Variants in BEND2 observed in about 807,000 individuals in gnomAD.
BEND2 encodes BEN domain-containing protein 2.
Under a neutral mutation model 43.8 loss-of-function variants are expected in BEND2, and 19 were observed. The observed-to-expected ratio is 0.43, with a 90% CI of 0.30 to 0.64. The LOEUF is 0.64. BEND2 is among the 30% of genes least tolerant of loss of function. The pLI, the probability that BEND2 is intolerant of heterozygous loss-of-function variation, is 0.11. For missense variants in BEND2, 544 were observed against 574.0 expected (o/e 0.95, Z 0.53); for synonymous variants, 226 against 210.1 (o/e 1.08, Z -0.66).
intron 8 of BEND2, among the ~76,000 whole-genome samples, chrX:18,190,625 A>G (rs958245275): frequency 1.8e-5 from 2 of 111,158 alleles, no homozygotes; most frequent in Non-Finnish European, 3.8e-5. Context: ...TATGGTTATA[A>G]AAAGTCAGTA....
At chrX:18,184,495 G>A (rs913291748) in intron 8 of BEND2, among the ~76,000 whole-genome samples, 5 of 111,536 alleles carry the variant, frequency 4.5e-5, no homozygotes, top group Non-Finnish European at 9.4e-5. Flanking sequence ...AAAAGAACAA[G>A]AGTCTCTGCC....
intron 7 of BEND2, among the ~76,000 whole-genome samples, chrX:18,194,049 C>T (rs1468505588): frequency 1.8e-5 from 2 of 111,142 alleles, no homozygotes; most frequent in African/African-American, 6.5e-5. Context: ...AATGGCTATA[C>T]GAAAACCTTC....
At chrX:18,185,726 G>A (rs1251273280) in intron 8 of BEND2, among the ~76,000 whole-genome samples, 2 of 109,900 alleles carry the variant, frequency 1.8e-5, no homozygotes, top group Non-Finnish European at 3.8e-5. Context: ...AAAGCAGTAA[G>A]AGAAAAGAAA....
intron 4 of BEND2, among the ~76,000 whole-genome samples, chrX:18,206,871 G>C (rs1325528932): frequency 4.5e-5 from 5 of 111,857 alleles, no homozygotes; most frequent in African/African-American, 1.6e-4. Flanking sequence ...GACTCAAGAG[G>C]GAACTGGTAT....
chrX:18,207,243 C>T (rs1925365829), intron 4 of BEND2, among the ~76,000 whole-genome samples: 1 of 112,318 alleles, frequency 8.9e-6, no homozygotes, highest in East Asian at 2.8e-4. Flanking sequence ...AATATTTTAG[C>T]TCATTCCATT....
intron 1 of BEND2, 31 bp downstream of exon 1, chrX:18,220,695 T>C (rs772512232): frequency 1.7e-6 from 2 of 1,207,890 alleles, no homozygotes; most frequent in East Asian, 3.0e-5. Flanking sequence ...AGGCCCAAGC[T>C]AGCGGGCCAG....
intron 7 of BEND2, 76 bp from the exon 8 acceptor site, chrX:18,191,184 G>C (rs1384930173): frequency 1.3e-6 from 1 of 780,928 alleles, no homozygotes; most frequent in Non-Finnish European, 1.9e-6. Flanking sequence ...ATGTTTTTTA[G>C]ATCAGGTGAA....
intron 7 of BEND2, among the ~76,000 whole-genome samples, chrX:18,193,571 A>G (rs1248724192): frequency 9.0e-6 from 1 of 111,537 alleles, no homozygotes; most frequent in Middle Eastern, 4.6e-3. Flanking sequence ...GCAAGATGCT[A>G]TTGTTGGGAA....
chrX:18,201,414 AAAAC>A lies in BEND2; in HGVS notation c.1033+397_1033+400del, dbSNP rs1266579105. Among the ~76,000 whole-genome samples, 31 of 96,118 alleles carry A rather than the reference AAAAC, an allele frequency of 3.2e-4. 2 individuals are homozygous for A. Among genetic ancestry groups the A allele is most frequent in the African/African-American group, 1.1e-3 (25 of 22,052 alleles). 83.5% of individuals were successfully genotyped at this position (96,118 alleles called of 115,157 possible). ...TCCATCTCAAAAAAAAAAAAAAAAA[AAAAC>A]AAAAAAAAAAAAACTGGTGGATCAA... On this transcript the variant is annotated intron_variant, in intron 6 of 13. Coordinates refer to ENST00000380033, the MANE Select transcript of BEND2 (RefSeq NM_153346.5).
chrX:18,220,012 C>T (rs185959689), intron 1 of BEND2, among the ~76,000 whole-genome samples: 35 of 112,188 alleles, frequency 3.1e-4, no homozygotes, highest in South Asian at 7.6e-4. Context: ...CCCCCCCATA[C>T]CCCGCCTCAC....
chrX:18,167,749 G>C (rs1210147214), intron 13 of BEND2, among the ~76,000 whole-genome samples: 1 of 110,943 alleles, frequency 9.0e-6, no homozygotes, highest in African/African-American at 3.3e-5. Context: ...ATTTTTTGTA[G>C]AGACAGGGTT....
rs1027888198 is a variant in BEND2 at position 18,192,602 on chromosome X, T to C, written c.1181-1494A>G. On this transcript the variant is annotated intron_variant, in intron 7 of 13. Transcript: ENST00000380033. ...AAGCCTTTGCACTCTTGGACATTTA[T>C]CCAAGAGAAATCAAAACTTCTGTTT... Among the ~76,000 whole-genome samples the C allele has an allele frequency of 2.5e-4, 28 of 112,463 alleles. No homozygotes were observed. In the Admixed American group the frequency reaches 2.5e-3, roughly 10 times the overall value.
chrX:18,171,219 G>C lies in BEND2; in HGVS notation c.1982-15C>G. The C allele has an allele frequency of 8.5e-7, 1 of 1,183,174 alleles. No homozygotes were observed. The highest frequency in any genetic ancestry group is 1.1e-6 in the Non-Finnish European group (1 of 873,024). Reference sequence around the variant, plus strand: ...TCCAAAATAGCCTAGAAGCAAAAAAGAAAGATGTCAATTTTCATAGCAAAT... The same window carrying C: ...TCCAAAATAGCCTAGAAGCAAAAAACAAAGATGTCAATTTTCATAGCAAAT... On this transcript the variant is annotated splice_polypyrimidine_tract_variant and intron_variant, in intron 12 of 13. Coordinates refer to ENST00000380033, the MANE Select transcript of BEND2 (RefSeq NM_153346.5).
At chrX:18,176,626 C>G (rs1924168216) in intron 10 of BEND2, among the ~76,000 whole-genome samples, 1 of 109,717 alleles carries the variant, frequency 9.1e-6, no homozygotes, top group Non-Finnish European at 1.9e-5. Flanking sequence ...CTGCACCGAG[C>G]TATGATCAAA....
chrX:18,199,403 A>C (rs1925066416), intron 6 of BEND2, among the ~76,000 whole-genome samples: 1 of 111,130 alleles, frequency 9.0e-6, no homozygotes, highest in East Asian at 2.8e-4. Context: ...GATGATGGAA[A>C]TGTTCTGTAT....
At chrX:18,175,912 A>C (rs980328735) in intron 11 of BEND2, 60 bp downstream of exon 11, 1 of 1,047,499 alleles carries the variant, frequency 9.5e-7, no homozygotes, top group African/African-American at 1.9e-5. Flanking sequence ...ATCAGTTCTG[A>C]AACTGTACAC....
intron 12 of BEND2, among the ~76,000 whole-genome samples, chrX:18,172,956 T>C (rs1348124109): frequency 9.0e-6 from 1 of 111,316 alleles, no homozygotes; most frequent in Non-Finnish European, 1.9e-5. Context: ...AATCATAATG[T>C]TTCAAAATGT....
At chrX:18,185,546 A>G (rs1419374820) in intron 8 of BEND2, among the ~76,000 whole-genome samples, 14 of 96,850 alleles carry the variant, frequency 1.4e-4, no homozygotes, top group African/African-American at 5.2e-4. Flanking sequence ...TAATAATAAT[A>G]ATAATAATAA....
chrX:18,216,663 A>C lies in BEND2; in HGVS notation c.96T>G (p.Ser32=). 1 of 1,210,710 alleles carries C rather than the reference A, an allele frequency of 8.3e-7. No homozygotes were observed. Among genetic ancestry groups the C allele is most frequent in the Non-Finnish European group, 1.1e-6 (1 of 894,557 alleles). ...NDCSIEMVEV[S]ETADNSTNDI... is the part of the protein sequence containing the mutation. ...CATTAGTGGAATTATCTGCTGTTTC[A>C]GAAACTTCCACCATCTCAATACTGC... Residue 32 remains serine, a synonymous_variant, in exon 2 of 14, where the codon TCT becomes TCG. Coordinates refer to ENST00000380033, the MANE Select transcript of BEND2 (RefSeq NM_153346.5).
Sources: gnomAD v4.1 joint callset for allele counts (sites outside exome capture counted in the v4.1 genomes callset) on GRCh38, gnomAD v4.1.1 for gene constraint, MANE v1.5 for transcripts, NCBI Gene and HGNC (gene_info 2026-07-23, HGNC 2026-07-21) for gene names.